ZNF766: variants seen among roughly 807,000 people sequenced by gnomAD.
ZNF766 encodes the protein zinc finger protein 766.
ZNF766 carries 13 observed loss-of-function variants against 13.2 expected under a neutral mutation model. The ratio of observed to expected loss-of-function variants is 0.98; its 90% CI spans 0.64 to 1.56. The LOEUF is 1.56. Ranked by LOEUF, ZNF766 falls within the 40% of genes most tolerant of loss-of-function variation. ZNF766 has a pLI of 0.00. For synonymous variants in ZNF766, 178 were observed against 187.6 expected (o/e 0.95, Z 0.42); for missense variants, 521 against 552.2 (o/e 0.94, Z 0.57).
chr19:52,290,902 A>G lies in ZNF766; in HGVS notation c.1111A>G (p.Thr371Ala). ...DKAFRHKFSLTVHQRNHNGEK... is the reference protein window; with the variant it reads ...DKAFRHKFSLAVHQRNHNGEK... The stretch of plus-strand genomic sequence containing the variant: ...AGCTTTTAGGCACAAGTTCTCCCTG[A>G]CAGTTCATCAGAGAAATCATAATGG... The change falls in exon 4 of 4, where the codon ACA becomes GCA. Residue 371 changes from threonine to alanine, a missense_variant. Physicochemically the swap from Thr to Ala is moderately conservative, Grantham distance 58. Transcript: ENST00000439461. The G allele has an allele frequency of 6.2e-7, 1 of 1,614,082 alleles. No homozygotes were observed. The highest frequency in any genetic ancestry group is 8.5e-7 in the Non-Finnish European group (1 of 1,180,008).
Position 52,291,817 on chromosome 19 carries a change from A to G in ZNF766, c.*619A>G, listed in dbSNP as rs2122495316. The G allele has an allele frequency of 4.0e-6, 1 of 250,692 alleles. No homozygotes were observed. Among genetic ancestry groups the G allele is most frequent in the Non-Finnish European group, 7.5e-6 (1 of 132,622 alleles). The allele number at this position is 250,692 out of a possible 1,614,324, so 15.5% of individuals were successfully genotyped here. ...AGGCCAGGGGCAGTGGTTCATGCCT[A>G]TAATCTCAGCACAATAGAAAGCCAA... On this transcript the variant is annotated 3_prime_UTR_variant, in exon 4 of 4. Transcript: ENST00000439461.
In ZNF766 at chr19:52,269,603, G is replaced by A. The variant is rs781374921; in HGVS notation, c.-11G>A. 2.5e-6 allele frequency: 4 copies of A among 1,612,346 alleles called. No homozygotes were observed. Among genetic ancestry groups the A allele is most frequent in the Middle Eastern group, 1.6e-4 (1 of 6,078 alleles). Reference sequence around the variant, plus strand: ...GCCGCCTGCAGACCCGGAAGTGGATGGCGTGGAGATATGGCGCAACTGCGG... The same window carrying A: ...GCCGCCTGCAGACCCGGAAGTGGATAGCGTGGAGATATGGCGCAACTGCGG... On this transcript the variant is annotated 5_prime_UTR_variant, in exon 1 of 4. It removes an upstream start codon present in the reference 5' UTR. Coordinates refer to ENST00000439461, the MANE Select transcript of ZNF766 (RefSeq NM_001010851.3).
intron 1 of ZNF766, among the ~76,000 whole-genome samples, chr19:52,277,976 T>C (rs1342221407): frequency 2.0e-5 from 3 of 150,974 alleles, no homozygotes; most frequent in African/African-American, 7.3e-5. Context: ...TTCTGCCTTT[T>C]TTTTTTTTTT....
chr19:52,290,434 A>G lies in ZNF766; in HGVS notation c.643A>G (p.Asn215Asp). 1 of 1,613,928 alleles carries G rather than the reference A, an allele frequency of 6.2e-7. No individual in the cohort carries two copies. Among genetic ancestry groups the G allele is most frequent in the East Asian group, 2.2e-5 (1 of 44,884 alleles). ...HQVIHTADKP[N>D]RCHECGKTVR... is the part of the protein sequence containing the mutation. ...AGTAATCCACACTGCAGATAAACCT[A>G]ACAGATGTCATGAATGTGGTAAAAC... The change falls in exon 4 of 4, where the codon AAC becomes GAC. Residue 215 changes from asparagine (N) to aspartate (D), a missense_variant. Transcript: ENST00000439461.
In ZNF766 at chr19:52,291,154, G is replaced by A; in HGVS notation, c.1363G>A (p.Val455Ile). 6.2e-7 allele frequency: 1 copy of A among 1,605,894 alleles called. No homozygotes were observed. The highest frequency in any genetic ancestry group is 8.5e-7 in the Non-Finnish European group (1 of 1,175,568). Residue 455 changes from valine (V) to isoleucine (I), a missense_variant, in exon 4 of 4, where the codon GTA (valine) becomes ATA (isoleucine). Transcript: ENST00000439461. ...GKVFRHSSWF[V>I]QHQRSVHERV... is the part of the protein sequence containing the mutation. Reference sequence around the variant, plus strand: ...GGTCTTTAGGCACAGTTCATGGTTTGTACAGCATCAGAGAAGTGTTCATGA... The same window carrying A: ...GGTCTTTAGGCACAGTTCATGGTTTATACAGCATCAGAGAAGTGTTCATGA...
intron 2 of ZNF766, 134 bp downstream of exon 2, chr19:52,282,371 C>T (rs1981572149): frequency 3.6e-6 from 4 of 1,122,730 alleles, no homozygotes; most frequent in Non-Finnish European, 4.9e-6. Context: ...CACGGTGGCT[C>T]ATGCCTGTAA....
Position 52,290,704 on chromosome 19 carries a change from G to A in ZNF766, c.913G>A (p.Gly305Ser). ...GAAACCTCATAAATGTAACAAATGT[G>A]GCAAGGTTTATAGTAGCAGTTCATA... ...REKPHKCNKC[G>S]KVYSSSSYLA... is the part of the protein sequence containing the mutation. Residue 305 changes from glycine to serine, a missense_variant, in exon 4 of 4, where the codon GGC (glycine) becomes AGC (serine). Coordinates refer to ENST00000439461, the MANE Select transcript of ZNF766 (RefSeq NM_001010851.3). 6.2e-7 allele frequency: 1 copy of A among 1,613,806 alleles called. No homozygotes were observed. Among genetic ancestry groups the A allele is most frequent in the South Asian group, 1.1e-5 (1 of 91,040 alleles).
Position 52,290,496 on chromosome 19 carries a change from A to G in ZNF766, c.705A>G (p.Arg235=). ...RDKSGLAEHW[R]IRTGEKPYKC... ...AGTCAGGCCTCGCAGAACATTGGAG[A>G]ATTCGTACAGGAGAGAAACCTTACA... The change falls in exon 4 of 4, where the codon AGA becomes AGG. Residue 235 remains arginine, a synonymous_variant. Transcript: ENST00000439461. The G allele has an allele frequency of 6.2e-7, 1 of 1,614,076 alleles. No individual in the cohort carries two copies. Among genetic ancestry groups the G allele is most frequent in the Non-Finnish European group, 8.5e-7 (1 of 1,179,958 alleles).
chr19:52,283,609 A>G (rs528102733), intron 3 of ZNF766, among the ~76,000 whole-genome samples, 196 bp downstream of exon 3: 1 of 152,208 alleles, frequency 6.6e-6, no homozygotes, highest in Non-Finnish European at 1.5e-5. Context: ...CCAGAGCCAC[A>G]CTATTAAATC....
chr19:52,290,074 T>C lies in ZNF766; in HGVS notation c.283T>C (p.Cys95Arg). Residue 95 changes from cysteine to arginine, a missense_variant, in exon 4 of 4, where the codon TGT (cysteine) becomes CGT (arginine). Coordinates refer to ENST00000439461, the MANE Select transcript of ZNF766 (RefSeq NM_001010851.3). ...GIKDINTGRS[C>R]AVRSKAGNKP... ...TTTACTTGCTTTCCTAGGGAGGAGC[T>C]GTGCAGTGAGAAGCAAAGCAGGAAA... 4 of 1,606,336 alleles carry C rather than the reference T, an allele frequency of 2.5e-6. No homozygotes were observed. The highest frequency in any genetic ancestry group is 3.4e-6 in the Non-Finnish European group (4 of 1,175,726).
chr19:52,272,647 T>C (rs1600193537), intron 1 of ZNF766, among the ~76,000 whole-genome samples: 1 of 152,172 alleles, frequency 6.6e-6, no homozygotes, highest in East Asian at 1.9e-4. Flanking sequence ...TTTTATTTTT[T>C]AGTACAGACT....
chr19:52,296,008 G>C lies in ZNF766; in HGVS notation c.*4810G>C, dbSNP rs1164885980. ...GGGGTAATTTCACATTTTTTTCTAT[G>C]TTGAGTTTATCAATAAATTGATATT... On this transcript the variant is annotated 3_prime_UTR_variant, in exon 4 of 4. Coordinates refer to ENST00000439461, the MANE Select transcript of ZNF766 (RefSeq NM_001010851.3). 1 of 151,694 alleles carries C rather than the reference G, an allele frequency of 6.6e-6. No individual in the cohort carries two copies. The highest frequency in any genetic ancestry group is 2.4e-5 in the African/African-American group (1 of 41,248). The allele number at this position is 151,694 out of a possible 1,614,324, so 9.4% of individuals were successfully genotyped here. A position where few individuals can be genotyped will look rare whatever the true frequency, so the allele number is the denominator to read the frequency against.
chr19:52,280,808 C>T (rs1033396358), intron 1 of ZNF766, among the ~76,000 whole-genome samples: 2 of 151,576 alleles, frequency 1.3e-5, no homozygotes, highest in Non-Finnish European at 2.9e-5. Context: ...TCTTGGTCTC[C>T]TGACCCCATG....
intron 3 of ZNF766, among the ~76,000 whole-genome samples, chr19:52,284,195 C>T (rs757497977): frequency 1.1e-4 from 16 of 152,174 alleles, no homozygotes; most frequent in Non-Finnish European, 1.9e-4. Context: ...TCACAGAGAG[C>T]GCTGCTTCAA....
At chr19:52,283,165 A>G (rs372411376) in intron 2 of ZNF766, 120 bp from the exon 3 acceptor site, 4 of 1,272,674 alleles carry the variant, frequency 3.1e-6, no homozygotes, top group East Asian at 2.6e-5. Context: ...TGACTTTTTC[A>G]TGATCGCCAT....
At chr19:52,280,327 C>A (rs780560467) in intron 1 of ZNF766, among the ~76,000 whole-genome samples, 33 of 151,996 alleles carry the variant, frequency 2.2e-4, no homozygotes, top group African/African-American at 7.5e-4. Flanking sequence ...TCACTGTACC[C>A]CAACCTGGAC....
intron 3 of ZNF766, among the ~76,000 whole-genome samples, chr19:52,287,778 C>T (rs964222017): frequency 6.6e-6 from 1 of 151,996 alleles, no homozygotes; most frequent in Non-Finnish European, 1.5e-5. Flanking sequence ...ATTGTTGAGT[C>T]TCATTTAATT....
chr19:52,279,626 T>C (rs1381742498), intron 1 of ZNF766, among the ~76,000 whole-genome samples: 2 of 152,010 alleles, frequency 1.3e-5, no homozygotes, highest in Admixed American at 6.6e-5. Context: ...TTTGAGCTTC[T>C]TGGGAGGCTG....
chr19:52,280,831 C>T (rs908799822), intron 1 of ZNF766, among the ~76,000 whole-genome samples: 4 of 151,014 alleles, frequency 2.6e-5, no homozygotes, highest in South Asian at 2.1e-4. Context: ...CCACCTGCCT[C>T]GGCCTCCCAA....
Sources: allele counts gnomAD v4.1 joint callset (sites outside exome capture counted in the v4.1 genomes callset), GRCh38; gene constraint gnomAD v4.1.1; transcripts MANE v1.5; gene names NCBI Gene and HGNC (gene_info 2026-07-23, HGNC 2026-07-21).